Variants in TMEM163 observed in about 807,000 individuals in gnomAD.
TMEM163 encodes the protein transmembrane protein 163.
A neutral mutation model predicts 29.3 loss-of-function variants in TMEM163; 17 were observed. That is an observed-to-expected ratio of 0.58 (90% CI 0.40 to 0.87). The LOEUF (loss-of-function observed/expected upper bound fraction) is 0.87, where lower values mean the gene tolerates loss of function less well. TMEM163 is among the 40% of genes least tolerant of loss of function. The probability of loss-of-function intolerance (pLI) is 0.00; values close to 1 mark genes in which losing one functional copy is unlikely to be tolerated. For synonymous variants in TMEM163, 157 were observed against 160.6 expected, an observed-to-expected ratio of 0.98 and a Z score of 0.17; for missense variants, 303 against 381.5, an observed-to-expected ratio of 0.79 and a Z score of 1.71.
chr2:134,495,385 A>G (rs1260377110), intron 5 of TMEM163, among the ~76,000 whole-genome samples: 4 of 152,212 alleles, frequency 2.6e-5, no homozygotes, highest in Non-Finnish European at 5.9e-5. Flanking sequence ...ACTGTAGACA[A>G]GGGTGTGGGG....
At chr2:134,707,879 AG>A (rs764775913) in intron 2 of TMEM163, among the ~76,000 whole-genome samples, 19 of 148,772 alleles carry the variant, frequency 1.3e-4, no homozygotes, top group Non-Finnish European at 2.2e-4. Flanking sequence ...GGGGGGCAAA[AG>A]TCAGGGCAGA....
At chr2:134,650,653 A>T (rs1457673501) in intron 2 of TMEM163, among the ~76,000 whole-genome samples, 1 of 143,310 alleles carries the variant, frequency 7.0e-6, no homozygotes, top group Non-Finnish European at 1.5e-5. Flanking sequence ...CTAACTCGTC[A>T]TCTAGCATTA....
chr2:134,612,716 C>T (rs1259820522), intron 2 of TMEM163, among the ~76,000 whole-genome samples: 1 of 152,062 alleles, frequency 6.6e-6, no homozygotes, highest in Non-Finnish European at 1.5e-5. Context: ...TTGCAGAATT[C>T]GTCCTAGAAA....
chr2:134,623,257 C>G (rs1243998736), intron 2 of TMEM163, among the ~76,000 whole-genome samples: 2 of 152,202 alleles, frequency 1.3e-5, no homozygotes, highest in Non-Finnish European at 2.9e-5. Flanking sequence ...GGGGATTTTT[C>G]TTGCATAACA....
rs1686505021 is a variant in TMEM163 at position 134,460,223 on chromosome 2, G to A, written c.668-2050C>T. 6.6e-6 allele frequency among the ~76,000 whole-genome samples: 1 copy of A among 151,896 alleles called. No homozygotes were observed. The highest frequency in any genetic ancestry group is 2.4e-5 in the African/African-American group (1 of 41,332). ...TCCCGCAGGAAAGCCCCCGTCACGG[G>A]CTCAAATCCCACCAGACCCCTCACA... is the stretch of plus-strand genomic sequence containing the variant. On this transcript the variant is annotated intron_variant, in intron 6 of 7. Transcript: ENST00000281924. The surrounding 1 kb of genome is among the most constrained non-coding windows in gnomAD (Gnocchi z 4.3).
intron 2 of TMEM163, among the ~76,000 whole-genome samples, chr2:134,707,628 G>A (rs561438098): frequency 3.9e-4 from 60 of 152,274 alleles, no homozygotes; most frequent in Non-Finnish European, 2.5e-4. Context: ...GGGCAGAAGA[G>A]GCAAGGGCTT....
At chr2:134,545,830 T>C (rs1680769813) in intron 4 of TMEM163, among the ~76,000 whole-genome samples, 1 of 152,184 alleles carries the variant, frequency 6.6e-6, no homozygotes, top group African/African-American at 2.4e-5. Context: ...ACGCCAACAA[T>C]TACTGACCTA....
intron 2 of TMEM163, among the ~76,000 whole-genome samples, chr2:134,707,516 A>G (rs183315798): frequency 1.3e-5 from 2 of 152,318 alleles, no homozygotes; most frequent in Non-Finnish European, 2.9e-5. Context: ...CCAGCAAACT[A>G]CGCAAAGGAT....
chr2:134,525,881 A>T (rs887023679), intron 4 of TMEM163, among the ~76,000 whole-genome samples: 6 of 152,214 alleles, frequency 3.9e-5, no homozygotes, highest in Admixed American at 3.3e-4. Flanking sequence ...GTTTCTGGGC[A>T]GTTGGGTTAA....
intron 1 of TMEM163, 95 bp downstream of exon 1, chr2:134,718,639 G>T: frequency 1.0e-6 from 1 of 969,718 alleles, no homozygotes; most frequent in Non-Finnish European, 1.3e-6. Flanking sequence ...CGCGCTCCGA[G>T]CCCCGCGCCT....
chr2:134,624,095 T>C (rs17842800), intron 2 of TMEM163, among the ~76,000 whole-genome samples: 14,554 of 152,198 alleles, frequency 0.096, 799 homozygotes, highest in South Asian at 0.16. Flanking sequence ...TGGTCTATAA[T>C]AATTTTCATG....
intron 5 of TMEM163, among the ~76,000 whole-genome samples, chr2:134,497,911 C>G (rs1223159617): frequency 1.3e-5 from 2 of 152,204 alleles, no homozygotes; most frequent in Non-Finnish European, 2.9e-5. Flanking sequence ...GAAGCCACAA[C>G]TGGACATGTT....
intron 1 of TMEM163, among the ~76,000 whole-genome samples, chr2:134,715,254 A>G (rs1247087855): frequency 6.6e-6 from 1 of 152,208 alleles, no homozygotes; most frequent in Non-Finnish European, 1.5e-5. Flanking sequence ...TTTCAATAAT[A>G]TAACTGGTCC....
rs1684968885 is a variant in TMEM163 at position 134,713,315 on chromosome 2, T to C, written c.207A>G (p.Leu69=). The change falls in exon 2 of 8, where the codon TTA becomes TTG. Residue 69 remains leucine (L), a synonymous_variant. Transcript: ENST00000281924. ...GTTTCAGGCGGGTGCTGCTTTCTAG[T>C]AAGCCTGACAAAAACAAGGAGAAAG... The part of the protein sequence containing the change: ...QFSDGLEDRG[L]LESSTRLKPH... 2 of 1,613,670 alleles carry C rather than the reference T, an allele frequency of 1.2e-6. No homozygotes were observed. The highest frequency in any genetic ancestry group is 3.3e-5 in the Admixed American group (2 of 59,900).
At chr2:134,472,971 C>T (rs1401466459) in intron 5 of TMEM163, among the ~76,000 whole-genome samples, 1 of 152,152 alleles carries the variant, frequency 6.6e-6, no homozygotes, top group Non-Finnish European at 1.5e-5. Flanking sequence ...AAACAACCCA[C>T]TTCTTAAAAA....
chr2:134,650,448 T>C (rs1200267063), intron 2 of TMEM163, among the ~76,000 whole-genome samples: 1 of 151,852 alleles, frequency 6.6e-6, no homozygotes, highest in East Asian at 1.9e-4. Flanking sequence ...AATCATATCA[T>C]CAATGAAGAC....
chr2:134,475,025 TAAGTA>T (rs776711185), intron 5 of TMEM163, among the ~76,000 whole-genome samples: 5 of 152,150 alleles, frequency 3.3e-5, no homozygotes, highest in Admixed American at 6.5e-5. Flanking sequence ...GGGCTTACAA[TAAGTA>T]AAGTGATTTT....
chr2:134,572,676 C>T (rs564982719), intron 2 of TMEM163, among the ~76,000 whole-genome samples: 4 of 152,276 alleles, frequency 2.6e-5, no homozygotes, highest in East Asian at 1.9e-4. Flanking sequence ...CTTGATGTCA[C>T]GTGCCCTTCC....
chr2:134,619,168 GATCT>G lies in TMEM163; in HGVS notation c.323-67081_323-67078del, dbSNP rs148998072. ...TGAGCCCAGATGGCTCAACTGATTA[GATCT>G]ATCAAACATTTAAAGAAGAAATAAC... is the stretch of plus-strand genomic sequence containing the variant. On this transcript the variant is annotated intron_variant, in intron 2 of 7. Coordinates refer to ENST00000281924, the MANE Select transcript of TMEM163 (RefSeq NM_030923.5). 6.7e-3 allele frequency among the ~76,000 whole-genome samples: 1,014 copies of G among 152,230 alleles called. 13 individuals carry two copies. The highest frequency in any genetic ancestry group is 0.023 in the African/African-American group (954 of 41,546).
Sources: gnomAD v4.1 joint callset for allele counts (sites outside exome capture counted in the v4.1 genomes callset) on GRCh38, gnomAD v4.1.1 for gene constraint, Gnocchi (gnomAD v3.1) non-coding constraint, MANE v1.5 for transcripts, NCBI Gene and HGNC (gene_info 2026-07-23, HGNC 2026-07-21) for gene names.